YPEL2: variants seen among roughly 807,000 people sequenced by gnomAD.
The protein encoded by YPEL2 is yippee like 2.
Under a neutral mutation model 19.1 loss-of-function variants are expected in YPEL2, and 2 were observed. That is an observed-to-expected ratio of 0.10 (90% confidence interval 0.04 to 0.33). The LOEUF is 0.33. Ranked by LOEUF, YPEL2 falls within the 10% of genes least tolerant of loss-of-function variation. YPEL2 has a pLI of 1.00. For synonymous variants in YPEL2, 52 were observed against 50.0 expected (o/e 1.04, Z -0.17); for missense variants, 66 against 140.7 (o/e 0.47, Z 2.68).
At chr17:59,380,875 G>A (rs920283714) in intron 2 of YPEL2, among the ~76,000 whole-genome samples, 3 of 152,186 alleles carry the variant, frequency 2.0e-5, no homozygotes, top group African/African-American at 7.2e-5. Flanking sequence ...CATTTTAATG[G>A]AGACATTGAA....
At chr17:59,340,953 T>A (rs1351555346) in intron 1 of YPEL2, among the ~76,000 whole-genome samples, 1 of 133,392 alleles carries the variant, frequency 7.5e-6, no homozygotes, top group African/African-American at 2.8e-5. Context: ...GACCTCAGGC[T>A]ATCTGCCCGC....
intron 2 of YPEL2, among the ~76,000 whole-genome samples, chr17:59,363,645 G>A (rs78445050): frequency 0.021 from 3,249 of 152,280 alleles, 101 homozygotes; most frequent in East Asian, 0.12. Flanking sequence ...CACCTACTGT[G>A]TGCCAGGAAC....
chr17:59,352,571 C>T (rs1464272131), intron 1 of YPEL2, among the ~76,000 whole-genome samples: 2 of 152,176 alleles, frequency 1.3e-5, no homozygotes, highest in Non-Finnish European at 2.9e-5. Context: ...AAAAAATGTA[C>T]TGAGTATTTA....
intron 1 of YPEL2, among the ~76,000 whole-genome samples, chr17:59,352,131 C>T (rs1324310805): frequency 6.6e-6 from 1 of 152,178 alleles, no homozygotes; most frequent in Non-Finnish European, 1.5e-5. Context: ...TCTTCCTTCC[C>T]CATCTCCCTA....
At chr17:59,394,712 C>T (rs1454646726) in intron 4 of YPEL2, among the ~76,000 whole-genome samples, 2 of 152,170 alleles carry the variant, frequency 1.3e-5, no homozygotes, top group African/African-American at 2.4e-5. Context: ...GCTGCAATCT[C>T]GGCACTTTGG....
At chr17:59,372,533 G>C (rs1348729156) in intron 2 of YPEL2, among the ~76,000 whole-genome samples, 1 of 151,070 alleles carries the variant, frequency 6.6e-6, no homozygotes, top group Non-Finnish European at 1.5e-5. Flanking sequence ...TAACCGGCTG[G>C]TCCTTGTTTA....
chr17:59,338,300 G>T (rs796670407), intron 1 of YPEL2, among the ~76,000 whole-genome samples: 1 of 152,190 alleles, frequency 6.6e-6, no homozygotes, highest in African/African-American at 2.4e-5. Context: ...GATCTTCTGG[G>T]TGTGAATGGT....
At chr17:59,341,651 A>G (rs1172198665) in intron 1 of YPEL2, among the ~76,000 whole-genome samples, 1 of 152,138 alleles carries the variant, frequency 6.6e-6, no homozygotes, top group Non-Finnish European at 1.5e-5. Context: ...AGTGCGAAAC[A>G]ACGTCTCAGG....
In YPEL2 at chr17:59,401,255, G is replaced by A. The variant is rs1024604391; in HGVS notation, c.*4065G>A. The A allele has an allele frequency of 6.6e-6, 1 of 152,012 alleles. No individual in the cohort carries two copies. The highest frequency in any genetic ancestry group is 1.5e-5 in the Non-Finnish European group (1 of 68,014). 9.4% of individuals were successfully genotyped at this position (152,012 alleles called of 1,614,324 possible). A position where few individuals can be genotyped will look rare whatever the true frequency, so the allele number is the denominator to read the frequency against. ...CAACTTACATATTTTAAAGGAATCT[G>A]CCTCAAATGAGAAAATATGCTAGTT... is the stretch of plus-strand genomic sequence containing the variant. On this transcript the variant is annotated 3_prime_UTR_variant, in exon 5 of 5. Coordinates refer to ENST00000312655, the MANE Select transcript of YPEL2 (RefSeq NM_001005404.4).
intron 1 of YPEL2, among the ~76,000 whole-genome samples, chr17:59,351,323 C>T (rs1045383171): frequency 6.6e-6 from 1 of 151,810 alleles, no homozygotes; most frequent in Non-Finnish European, 1.5e-5. Flanking sequence ...TGCCGTGAGC[C>T]GAGATCATGC....
chr17:59,343,518 G>T (rs1015810493), intron 1 of YPEL2, among the ~76,000 whole-genome samples: 1 of 152,128 alleles, frequency 6.6e-6, no homozygotes, highest in Non-Finnish European at 1.5e-5. Flanking sequence ...CTCTGTTAGG[G>T]TCCTACTGGA....
intron 2 of YPEL2, among the ~76,000 whole-genome samples, chr17:59,372,973 A>G (rs1410113483): frequency 6.6e-6 from 1 of 152,198 alleles, no homozygotes; most frequent in Non-Finnish European, 1.5e-5. Flanking sequence ...TCCCAGGCTC[A>G]AGTGATTCTC....
rs1288074410 is a variant in YPEL2 at position 59,401,150 on chromosome 17, G to A, written c.*3960G>A. On this transcript the variant is annotated 3_prime_UTR_variant, in exon 5 of 5. Transcript: ENST00000312655. ...TTAATATTATAATACACATATCTTA[G>A]TGGTAAACAGCTTTTTTTTTTTAAG... 2 of 151,786 alleles carry A rather than the reference G, an allele frequency of 1.3e-5. No individual in the cohort carries two copies. Among genetic ancestry groups the A allele is most frequent in the South Asian group, 2.1e-4 (1 of 4,822 alleles). The allele number at this position is 151,786 out of a possible 1,614,324, so 9.4% of individuals were successfully genotyped here.
intron 2 of YPEL2, among the ~76,000 whole-genome samples, chr17:59,362,481 T>A (rs1407188048): frequency 6.6e-6 from 1 of 152,218 alleles, no homozygotes; most frequent in Non-Finnish European, 1.5e-5. Flanking sequence ...TTATGTTTTG[T>A]TTTTCTTTTG....
chr17:59,393,484 A>AT (rs1567762931), intron 4 of YPEL2, among the ~76,000 whole-genome samples: 11 of 145,506 alleles, frequency 7.6e-5, no homozygotes, highest in African/African-American at 2.3e-4. Flanking sequence ...TTTTATTTTT[A>AT]TTTTATTTTA....
Position 59,389,483 on chromosome 17 carries a change from G to C in YPEL2, c.270+15G>C, listed in dbSNP as rs2047997118. 5 of 1,605,452 alleles carry C rather than the reference G, an allele frequency of 3.1e-6. No individual in the cohort carries two copies. The South Asian group carries it at 5.5e-5, about 18-fold the overall frequency. ...GCTGGAAATACGTAAGTATAAAGGA[G>C]TTTGGTTGGTAGAGGGCTGGAAGGG... On this transcript the variant is annotated intron_variant, in intron 4 of 4. Transcript: ENST00000312655.
At chr17:59,386,062 CCT>C (rs2047978506) in intron 2 of YPEL2, among the ~76,000 whole-genome samples, 1 of 152,098 alleles carries the variant, frequency 6.6e-6, no homozygotes, top group African/African-American at 2.4e-5. Flanking sequence ...GTGGCTCATG[CCT>C]GTAATCCCAG....
At chr17:59,378,965 A>G (rs1038803165) in intron 2 of YPEL2, among the ~76,000 whole-genome samples, 3 of 152,188 alleles carry the variant, frequency 2.0e-5, no homozygotes, top group African/African-American at 7.2e-5. Context: ...AAGCATATAC[A>G]GTGGCTTTGT....
intron 2 of YPEL2, among the ~76,000 whole-genome samples, chr17:59,384,304 T>C (rs1197908856): frequency 1.3e-5 from 2 of 152,216 alleles, no homozygotes; most frequent in Non-Finnish European, 2.9e-5. Flanking sequence ...AAGCATATCA[T>C]TTTTTAGCCA....
Sources: allele counts gnomAD v4.1 joint callset (sites outside exome capture counted in the v4.1 genomes callset), GRCh38; gene constraint gnomAD v4.1.1; transcripts MANE v1.5; gene names NCBI Gene and HGNC (gene_info 2026-07-23, HGNC 2026-07-21).